The following LAPTM5 variants were observed in gnomAD, a reference collection of about 807,000 sequenced individuals.
The protein encoded by LAPTM5 is lysosomal protein transmembrane 5, also known as lysosomal-associated transmembrane protein 5.
A neutral mutation model predicts 30.1 loss-of-function variants in LAPTM5; 11 were observed. The observed-to-expected ratio is 0.37, with a 90% CI of 0.23 to 0.60. The LOEUF (loss-of-function observed/expected upper bound fraction) is 0.60, where lower values mean the gene tolerates loss of function less well. LAPTM5 is among the 20% of genes least tolerant of loss of function. The probability of loss-of-function intolerance (pLI) is 0.71; values close to 1 mark genes in which losing one functional copy is unlikely to be tolerated. For missense variants in LAPTM5, 324 were observed against 332.5 expected (o/e 0.97, Z 0.20); for synonymous variants, 151 against 137.9 (o/e 1.10, Z -0.67).
At position 30,741,649 on chromosome 1, in the gene LAPTM5, G is replaced by A. The variant is rs545456726; in HGVS notation, c.249C>T (p.Gly83=). Residue 83 remains glycine, a synonymous_variant, in exon 3 of 8, where the codon GGC becomes GGT. Transcript: ENST00000294507. ...GCTCCTGAGCCCTCACCTTGACTAC[G>A]CCGATCAGTAGGCTCAGGCTGATGA... ...LFIISLSLLI[G]VVKNREKYLL... 1.1e-5 allele frequency: 17 copies of A among 1,602,252 alleles called. No homozygotes were observed. Among genetic ancestry groups the A allele is most frequent in the Middle Eastern group, 1.7e-4 (1 of 6,042 alleles).
At chr1:30,750,666 G>A (rs1482166868) in intron 1 of LAPTM5, among the ~76,000 whole-genome samples, 1 of 152,216 alleles carries the variant, frequency 6.6e-6, no homozygotes, top group Non-Finnish European at 1.5e-5. Flanking sequence ...ATGGCTGCCA[G>A]GAAGGCTGCC....
At chr1:30,742,986 C>G (rs1328659829) in intron 1 of LAPTM5, among the ~76,000 whole-genome samples, 1 of 152,164 alleles carries the variant, frequency 6.6e-6, no homozygotes, top group Non-Finnish European at 1.5e-5. Context: ...TCCACTGCAT[C>G]CCCTTCTGTA....
At chr1:30,742,201 C>A (rs138971241) in intron 2 of LAPTM5, 8 of 551,106 alleles carry the variant, frequency 1.5e-5, no homozygotes, top group Non-Finnish European at 2.6e-5. Context: ...GAGGCTATCA[C>A]CTTTACCAGC....
Position 30,739,918 on chromosome 1 carries a change from A to C in LAPTM5, c.278T>G (p.Leu93Arg), listed in dbSNP as rs893753079. ...CATGATTTGCAGGGACAGGAAGGGCAGCAGGTACTTCTCCCGGTTCTGAAA... is the reference window on the plus strand; with the variant it reads ...CATGATTTGCAGGGACAGGAAGGGCCGCAGGTACTTCTCCCGGTTCTGAAA... ...GVVKNREKYL[L>R]PFLSLQIMDY... The change falls in exon 4 of 8, where the codon CTG becomes CGG. Residue 93 changes from leucine to arginine, a missense_variant. Leu to Arg is a moderately radical substitution (Grantham distance 102). Coordinates refer to ENST00000294507, the MANE Select transcript of LAPTM5 (RefSeq NM_006762.3). The surrounding 1 kb of genome is among the most constrained non-coding windows in gnomAD (Gnocchi z 4.2). 41 of 1,601,926 alleles carry C rather than the reference A, an allele frequency of 2.6e-5. No individual in the cohort carries two copies. The highest frequency in any genetic ancestry group is 3.5e-5 in the Non-Finnish European group (41 of 1,172,898).
At chr1:30,747,074 C>T (rs1040007342) in intron 1 of LAPTM5, among the ~76,000 whole-genome samples, 2 of 152,152 alleles carry the variant, frequency 1.3e-5, no homozygotes, top group African/African-American at 4.8e-5. Context: ...ACAGAGGACA[C>T]GCATGGGGCT....
At chr1:30,755,098 T>C (rs1307610425) in intron 1 of LAPTM5, among the ~76,000 whole-genome samples, 1 of 152,186 alleles carries the variant, frequency 6.6e-6, no homozygotes, top group Non-Finnish European at 1.5e-5. Context: ...GGAGACAACC[T>C]GGGCCGAGCG....
chr1:30,740,819 G>A lies in LAPTM5; in HGVS notation c.258+821C>T, dbSNP rs531062026. 2.6e-5 allele frequency among the ~76,000 whole-genome samples: 4 copies of A among 152,296 alleles called. No individual in the cohort carries two copies. In the South Asian group the frequency reaches 8.3e-4, roughly 32 times the overall value. On this transcript the variant is annotated intron_variant, in intron 3 of 7. Transcript: ENST00000294507. ...CAAGACAGAGTGAGTGTTAGCAAGG[G>A]GAGTGGGTGCTGGCATTTGAGGCAG...
chr1:30,738,173 G>A (rs148056794), intron 5 of LAPTM5, among the ~76,000 whole-genome samples: 108 of 152,280 alleles, frequency 7.1e-4, no homozygotes, highest in Middle Eastern at 3.4e-3. Context: ...TCTTTGAGAC[G>A]CCTCCCTTCT....
chr1:30,755,658 G>A (rs546215433), intron 1 of LAPTM5, among the ~76,000 whole-genome samples: 7 of 152,160 alleles, frequency 4.6e-5, no homozygotes, highest in Non-Finnish European at 8.8e-5. Context: ...CGGATGGCAC[G>A]ATCAACAAGA....
chr1:30,739,049 A>T lies in LAPTM5; in HGVS notation c.401T>A (p.Phe134Tyr). ...CAGCAGCTGCAGCGTCATCAGGGGG[A>T]ACTTGGAGGAGCTCTGGGGAGGACA... is the stretch of plus-strand genomic sequence containing the variant. ...ASRSRASSSK[F>Y]PLMTLQLLDF... The change falls in exon 5 of 8, where the codon TTC becomes TAC. Residue 134 changes from phenylalanine to tyrosine, a missense_variant. Physicochemically the swap from Phe to Tyr is conservative, Grantham distance 22. Transcript: ENST00000294507. The surrounding 1 kb of genome is among the most constrained non-coding windows in gnomAD (Gnocchi z 4.2). The T allele has an allele frequency of 6.3e-7, 1 of 1,596,726 alleles. No homozygotes were observed. Among genetic ancestry groups the T allele is most frequent in the Non-Finnish European group, 8.5e-7 (1 of 1,170,856 alleles).
rs373172801 is a variant in LAPTM5, at chr1:30,757,694, G to A, written c.52C>T (p.Arg18Cys). 4.1e-5 allele frequency: 66 copies of A among 1,613,712 alleles called. No homozygotes were observed. The East Asian group carries it at 5.8e-4, about 14-fold the overall frequency. The change falls in exon 1 of 8, where the codon CGC becomes TGC. Residue 18 changes from arginine to cysteine, a missense_variant. Coordinates refer to ENST00000294507, the MANE Select transcript of LAPTM5 (RefSeq NM_006762.3). ...ATGGCCAGGGCGGTGGTTGCGATGC[G>A]GACATTGAAGCAGCAGCAGGTCTGG... ...VRQTCCCFNV[R>C]IATTALAIYH...
At chr1:30,744,810 A>G (rs543604139) in intron 1 of LAPTM5, among the ~76,000 whole-genome samples, 43 of 152,168 alleles carry the variant, frequency 2.8e-4, no homozygotes, top group African/African-American at 1.0e-3. Flanking sequence ...GGACTTAGAT[A>G]TTTTGATCAT....
chr1:30,756,148 C>A (rs1170400488), intron 1 of LAPTM5, among the ~76,000 whole-genome samples: 2 of 152,188 alleles, frequency 1.3e-5, no homozygotes, highest in Non-Finnish European at 2.9e-5. Flanking sequence ...ACCTGTGAGG[C>A]GCCCCTGCAT....
chr1:30,755,863 A>G (rs7514358), intron 1 of LAPTM5, among the ~76,000 whole-genome samples: 5,427 of 152,298 alleles, frequency 0.036, 308 homozygotes, highest in African/African-American at 0.12. Flanking sequence ...ACCAGGGCCC[A>G]CAATCCTTCG....
chr1:30,752,695 G>A (rs1320887038), intron 1 of LAPTM5, among the ~76,000 whole-genome samples: 2 of 152,258 alleles, frequency 1.3e-5, no homozygotes, highest in East Asian at 1.9e-4. Flanking sequence ...CCCCTCAAGG[G>A]CAGAGGCCGT....
chr1:30,742,520 G>C lies in LAPTM5; in HGVS notation c.117C>G (p.His39Gln). Residue 39 changes from histidine to glutamine, a missense_variant, in exon 2 of 8, where the codon CAC becomes CAG. Physicochemically the swap from His to Gln is conservative, Grantham distance 24 (BLOSUM62 0). Coordinates refer to ENST00000294507, the MANE Select transcript of LAPTM5 (RefSeq NM_006762.3). The stretch of plus-strand genomic sequence containing the variant: ...CCTTGCCATGGGCCACCTCTACTGA[G>C]TGCTCGATGAACAACAAGACGCTCA... ...VIMSVLLFIE[H>Q]SVEVAHGKAS... is the part of the protein sequence containing the mutation. 4 of 1,613,734 alleles carry C rather than the reference G, an allele frequency of 2.5e-6. No homozygotes were observed. The East Asian group carries it at 6.7e-5, about 27-fold the overall frequency.
At chr1:30,749,195 C>T (rs1290332515) in intron 1 of LAPTM5, among the ~76,000 whole-genome samples, 1 of 152,222 alleles carries the variant, frequency 6.6e-6, no homozygotes, top group Non-Finnish European at 1.5e-5. Context: ...CCCGCAACCA[C>T]ACAGACGAAG....
chr1:30,749,826 CTG>C (rs1292694629), intron 1 of LAPTM5, among the ~76,000 whole-genome samples: 1 of 152,198 alleles, frequency 6.6e-6, no homozygotes, highest in East Asian at 1.9e-4. Flanking sequence ...TCTTAGTAAA[CTG>C]TGATTTGGCG....
chr1:30,752,889 C>G (rs941192423), intron 1 of LAPTM5, among the ~76,000 whole-genome samples: 2 of 152,174 alleles, frequency 1.3e-5, no homozygotes, highest in Admixed American at 1.3e-4. Context: ...TCACTGCAAC[C>G]TCCACCTCCC....
Sources: gnomAD v4.1 joint callset for allele counts (sites outside exome capture counted in the v4.1 genomes callset) on GRCh38, gnomAD v4.1.1 for gene constraint, Gnocchi (gnomAD v3.1) non-coding constraint, MANE v1.5 for transcripts, NCBI Gene and HGNC (gene_info 2026-07-23, HGNC 2026-07-21) for gene names.